SECISBP2: variants seen among roughly 807,000 people sequenced by gnomAD.
SECISBP2 encodes the protein selenocysteine insertion sequence-binding protein 2.
In SECISBP2, 96 loss-of-function variants were observed where a neutral mutation model predicts 98.2. That is an observed-to-expected ratio of 0.98 (90% CI 0.83 to 1.16). The LOEUF (loss-of-function observed/expected upper bound fraction) is 1.16, where lower values mean the gene tolerates loss of function less well. SECISBP2 is among the 50% of genes most tolerant of loss of function. The pLI is 0.00. For synonymous variants in SECISBP2, 407 were observed against 370.2 expected (o/e 1.10, Z -1.14); for missense variants, 1,046 against 1,022.9 (o/e 1.02, Z -0.31).
Position 89,332,893 on chromosome 9 carries a change from G to T in SECISBP2, c.802-15G>T, listed in dbSNP as rs371003282. 1.5e-5 allele frequency: 24 copies of T among 1,601,096 alleles called. No homozygotes were observed. The highest frequency in any genetic ancestry group is 2.1e-5 in the Non-Finnish European group (24 of 1,168,514). ...TTGCATTTCTCTGATGACATCTAAT[G>T]TGTTTGCTTTTTAGGGTGAAATAGT... On this transcript the variant is annotated splice_polypyrimidine_tract_variant and intron_variant, in intron 5 of 16. Transcript: ENST00000375807.
intron 14 of SECISBP2, among the ~76,000 whole-genome samples, chr9:89,352,215 C>T (rs1831382960): frequency 6.6e-6 from 1 of 152,188 alleles, no homozygotes. Flanking sequence ...CAGCCAGCTG[C>T]CTCAGTCTCC....
downstream of SECISBP2, among the ~76,000 whole-genome samples, chr9:89,360,179 A>G (rs1832656938): frequency 6.6e-6 from 1 of 152,154 alleles, no homozygotes; most frequent in African/African-American, 2.4e-5. Flanking sequence ...CATGGGAAGT[A>G]GATGTGGTCA....
intron 14 of SECISBP2, among the ~76,000 whole-genome samples, chr9:89,352,827 C>T (rs987548853): frequency 1.3e-5 from 2 of 151,262 alleles, no homozygotes; most frequent in African/African-American, 4.9e-5. Context: ...TGTTTTTGTC[C>T]TCTGAAGATT....
intron 8 of SECISBP2, 148 bp downstream of exon 8, chr9:89,338,728 C>A: frequency 2.6e-6 from 2 of 778,658 alleles, no homozygotes; most frequent in Non-Finnish European, 4.0e-6. Context: ...AGTAGCCACT[C>A]TTCTCACCTC....
Position 89,325,611 on chromosome 9 carries a change from C to G in SECISBP2, c.367C>G (p.Gln123Glu). The change falls in exon 3 of 17, where the codon CAA becomes GAA. Residue 123 changes from glutamine (Q) to glutamate (E), a missense_variant. Physicochemically the swap from Gln to Glu is conservative, Grantham distance 29. Transcript: ENST00000375807. ...YNQPSCYRGFQTVKHRNENTC... is the reference protein window; with the variant it reads ...YNQPSCYRGFETVKHRNENTC... ...CCAACCCAGTTGTTACCGAGGTTTT[C>G]AAACAGTGAAGCATCGAAATGAGAA... is the stretch of plus-strand genomic sequence containing the variant. The G allele has an allele frequency of 6.2e-7, 1 of 1,614,144 alleles. No individual in the cohort carries two copies. The highest frequency in any genetic ancestry group is 8.5e-7 in the Non-Finnish European group (1 of 1,180,022).
chr9:89,318,750 G>T, intron 1 of SECISBP2, 138 bp downstream of exon 1: 1 of 1,230,280 alleles, frequency 8.1e-7, no homozygotes, highest in Non-Finnish European at 1.0e-6. Flanking sequence ...GCCCTACCGG[G>T]TGGCCGCGAT....
Position 89,348,910 on chromosome 9 carries a change from G to A in SECISBP2, c.1738+696G>A, listed in dbSNP as rs182622284. ...CGGTTGGACGAATGTACAGGGTTGC[G>A]GATGGGCATTCAGGCATTTTCCAGT... On this transcript the variant is annotated intron_variant, in intron 12 of 16. Coordinates refer to ENST00000375807, the MANE Select transcript of SECISBP2 (RefSeq NM_024077.5). 1.4e-3 allele frequency among the ~76,000 whole-genome samples: 213 copies of A among 152,356 alleles called. 2 individuals carry two copies. The highest frequency in any genetic ancestry group is 4.9e-3 in the African/African-American group (203 of 41,578).
chr9:89,347,538 T>C (rs1453185293), intron 11 of SECISBP2, among the ~76,000 whole-genome samples: 1 of 146,046 alleles, frequency 6.8e-6, no homozygotes, highest in Non-Finnish European at 1.5e-5. Flanking sequence ...AATAGAGCGA[T>C]CTCGGCTCAC....
intron 12 of SECISBP2, among the ~76,000 whole-genome samples, chr9:89,349,546 A>G (rs755426005): frequency 6.6e-6 from 1 of 152,230 alleles, no homozygotes; most frequent in African/African-American, 2.4e-5. Flanking sequence ...GTATAAGTAA[A>G]TTGAGGGGAG....
chr9:89,350,347 G>T (rs1459817895), intron 13 of SECISBP2, among the ~76,000 whole-genome samples: 1 of 152,220 alleles, frequency 6.6e-6, no homozygotes, highest in East Asian at 1.9e-4. Flanking sequence ...TTATGACAGG[G>T]AGATGCACGG....
Position 89,358,086 on chromosome 9 carries a change from G to A in SECISBP2, c.2356G>A (p.Gly786Arg), listed in dbSNP as rs955202020. The part of the protein sequence containing the change: ...MLENVQQELV[G>R]EPRPQAPPSL... The stretch of plus-strand genomic sequence containing the variant: ...GGAGAATGTGCAGCAGGAGCTGGTG[G>A]GAGAGCCCAGGCCTCAGGCACCTCC... Residue 786 changes from glycine to arginine, a missense_variant, in exon 16 of 17, where the codon GGA (glycine) becomes AGA (arginine). By Grantham distance (125) the Gly-to-Arg change is moderately radical. Coordinates refer to ENST00000375807, the MANE Select transcript of SECISBP2 (RefSeq NM_024077.5). 4.3e-6 allele frequency: 7 copies of A among 1,613,688 alleles called. No homozygotes were observed. The highest frequency in any genetic ancestry group is 5.9e-6 in the Non-Finnish European group (7 of 1,179,912).
At position 89,357,358 on chromosome 9, in the gene SECISBP2, A is replaced by G. The variant is rs2132087078; in HGVS notation, c.2114-53A>G. The G allele has an allele frequency of 2.5e-6, 4 of 1,608,764 alleles. No individual in the cohort carries two copies. The East Asian group carries it at 8.9e-5, about 36-fold the overall frequency. ...AAAGCTCTTTGCAACCAGTATTAACACCACACTCCATGTGACATGTCTTCC... is the reference window on the plus strand; with the variant it reads ...AAAGCTCTTTGCAACCAGTATTAACGCCACACTCCATGTGACATGTCTTCC... On this transcript the variant is annotated intron_variant, in intron 14 of 16. Transcript: ENST00000375807.
downstream of SECISBP2, chr9:89,363,303 G>C (rs975540650): frequency 7.2e-7 from 1 of 1,382,296 alleles, no homozygotes; most frequent in African/African-American, 1.4e-5. Flanking sequence ...AAAGGAAACT[G>C]CTCCGGGGCT....
chr9:89,356,353 G>A (rs1832069918), intron 14 of SECISBP2, among the ~76,000 whole-genome samples: 1 of 152,200 alleles, frequency 6.6e-6, no homozygotes, highest in African/African-American at 2.4e-5. Flanking sequence ...CAAAAAGATT[G>A]GGGACCGCTG....
At chr9:89,327,358 TA>T (rs1176208756) in intron 4 of SECISBP2, among the ~76,000 whole-genome samples, 3 of 152,194 alleles carry the variant, frequency 2.0e-5, no homozygotes, top group Non-Finnish European at 2.9e-5. Context: ...TTTATAAAAG[TA>T]TTTTTTTCAA....
Position 89,334,619 on chromosome 9 carries a change from G to C in SECISBP2, c.978G>C (p.Lys326Asn). The change falls in exon 7 of 17, where the codon AAG (lysine) becomes AAC (asparagine). Residue 326 changes from lysine (K) to asparagine (N), a missense_variant. Coordinates refer to ENST00000375807, the MANE Select transcript of SECISBP2 (RefSeq NM_024077.5). ...ATGTTACTTCTATGATAAACTTAAA[G>C]ACCATTGCTTCATCAGCAGATCCTA... is the stretch of plus-strand genomic sequence containing the variant. The part of the protein sequence containing the change: ...PKNVTSMINL[K>N]TIASSADPKN... The C allele has an allele frequency of 6.2e-7, 1 of 1,614,068 alleles. No individual in the cohort carries two copies. The highest frequency in any genetic ancestry group is 1.7e-4 in the Middle Eastern group (1 of 6,060).
rs757174856 is a variant in SECISBP2 at position 89,319,762 on chromosome 9, A to G, written c.147A>G (p.Thr49=). ...GTGTCTTCCCCAGCTCTGCAGCCAC[A>G]TACTATCCGTTTGTTCAGGAACCAC... ...EACVFPSSAA[T]YYPFVQEPPV... Residue 49 remains threonine (T), a synonymous_variant, in exon 2 of 17, where the codon ACA becomes ACG. Transcript: ENST00000375807. 2 of 1,614,218 alleles carry G rather than the reference A, an allele frequency of 1.2e-6. No individual in the cohort carries two copies. The highest frequency in any genetic ancestry group is 1.7e-6 in the Non-Finnish European group (2 of 1,180,026).
chr9:89,343,165 A>G (rs933423067), intron 10 of SECISBP2, among the ~76,000 whole-genome samples: 17 of 152,208 alleles, frequency 1.1e-4, no homozygotes, highest in African/African-American at 3.9e-4. Flanking sequence ...AGTAGTGCTG[A>G]TGTGGCTGCC....
intron 7 of SECISBP2, among the ~76,000 whole-genome samples, chr9:89,335,140 C>T (rs375748949): frequency 6.0e-5 from 9 of 150,682 alleles, no homozygotes; most frequent in South Asian, 2.1e-4. Flanking sequence ...GGCATGAACC[C>T]GGGAGGCGGA....
Sources: gnomAD v4.1 joint callset for allele counts (sites outside exome capture counted in the v4.1 genomes callset) on GRCh38, gnomAD v4.1.1 for gene constraint, MANE v1.5 for transcripts, NCBI Gene and HGNC (gene_info 2026-07-23, HGNC 2026-07-21) for gene names.